The following TRPC1 variants were observed in gnomAD, a reference collection of about 807,000 sequenced individuals.
TRPC1 encodes short transient receptor potential channel 1.
TRPC1 carries 42 observed loss-of-function variants against 88.2 expected under a neutral mutation model. That is an observed-to-expected ratio of 0.48 (90% CI 0.37 to 0.62). The LOEUF (loss-of-function observed/expected upper bound fraction) is 0.62, where lower values mean the gene tolerates loss of function less well. Ranked by LOEUF, TRPC1 falls within the 20% of genes least tolerant of loss-of-function variation. The probability of loss-of-function intolerance (pLI) is 0.00; values close to 1 mark genes in which losing one functional copy is unlikely to be tolerated. For synonymous variants in TRPC1, 288 were observed against 331.8 expected (o/e 0.87, Z 1.43); for missense variants, 699 against 957.3 (o/e 0.73, Z 3.56).
Position 142,804,440 on chromosome 3 carries a change from A to G in TRPC1, c.1964A>G (p.His655Arg). ...LHKSFQLIAN[H>R]EDKEWKFARA... ...TTTAATTTGCCTTTTATATAGAATCATGAAGACAAAGAATGGAAGTTTGCT... is the reference window on the plus strand; with the variant it reads ...TTTAATTTGCCTTTTATATAGAATCGTGAAGACAAAGAATGGAAGTTTGCT... Residue 655 changes from histidine (H) to arginine (R), a missense_variant, in exon 12 of 13, where the codon CAT (histidine) becomes CGT (arginine). His to Arg is a conservative substitution (Grantham distance 29). Coordinates refer to ENST00000476941, the MANE Select transcript of TRPC1 (RefSeq NM_001251845.2). 1 of 1,609,900 alleles carries G rather than the reference A, an allele frequency of 6.2e-7. No homozygotes were observed. Among genetic ancestry groups the G allele is most frequent in the Non-Finnish European group, 8.5e-7 (1 of 1,178,500 alleles).
intron 9 of TRPC1, among the ~76,000 whole-genome samples, chr3:142,799,252 T>C (rs547465139): frequency 6.6e-6 from 1 of 152,276 alleles, no homozygotes; most frequent in Non-Finnish European, 1.5e-5. Flanking sequence ...TTTAATTACC[T>C]TTCTCTTTTC....
chr3:142,730,923 A>G (rs1577938850), intron 1 of TRPC1, among the ~76,000 whole-genome samples: 1 of 152,218 alleles, frequency 6.6e-6, no homozygotes, highest in Non-Finnish European at 1.5e-5. Context: ...TTTGGTTAAT[A>G]TAAAATTAAA....
intron 7 of TRPC1, 69 bp downstream of exon 7, chr3:142,785,109 A>T: frequency 7.3e-7 from 1 of 1,374,686 alleles, no homozygotes; most frequent in South Asian, 1.5e-5. Context: ...GATTGATGGC[A>T]TTGTGAATAT....
In TRPC1 at chr3:142,736,374, T is replaced by C. The variant is rs199965580; in HGVS notation, c.173-5T>C. On this transcript the variant is annotated splice_region_variant and splice_polypyrimidine_tract_variant and intron_variant, in intron 1 of 12. Transcript: ENST00000476941. ...ATTAAATTATGTTTGTATATTGTTATTTAGGTGACTATTATATGGTTAAAA... is the reference window on the plus strand; with the variant it reads ...ATTAAATTATGTTTGTATATTGTTACTTAGGTGACTATTATATGGTTAAAA... The C allele has an allele frequency of 6.3e-7, 1 of 1,579,202 alleles. No homozygotes were observed. The highest frequency in any genetic ancestry group is 1.4e-5 in the African/African-American group (1 of 73,632).
rs1560124668 is a variant in TRPC1, at chr3:142,807,111, T to TAA, written c.*876_*877insAA. 1 of 152,066 alleles carries TAA rather than the reference T, an allele frequency of 6.6e-6. No homozygotes were observed. Among genetic ancestry groups the TAA allele is most frequent in the East Asian group, 1.9e-4 (1 of 5,194 alleles). 9.4% of individuals were successfully genotyped at this position (152,066 alleles called of 1,614,324 possible). A position where few individuals can be genotyped will look rare whatever the true frequency, so the allele number is the denominator to read the frequency against. Reference sequence around the variant, plus strand: ...TTTTTTTTTCAAGTTGGAGTGAATGTTTTTAGTTTTAAGATAGATAGGAGA... The same window carrying TAA: ...TTTTTTTTTCAAGTTGGAGTGAATGTAATTTTAGTTTTAAGATAGATAGGAGA... On this transcript the variant is annotated 3_prime_UTR_variant, in exon 13 of 13. Coordinates refer to ENST00000476941, the MANE Select transcript of TRPC1 (RefSeq NM_001251845.2).
At chr3:142,801,558 A>G (rs1936620725) in intron 9 of TRPC1, among the ~76,000 whole-genome samples, 1 of 152,166 alleles carries the variant, frequency 6.6e-6, no homozygotes, top group African/African-American at 2.4e-5. Flanking sequence ...TGCACTATAC[A>G]TGTCTAAACT....
Position 142,784,687 on chromosome 3 carries a change from G to A in TRPC1, c.961-17G>A. 4 of 1,592,128 alleles carry A rather than the reference G, an allele frequency of 2.5e-6. No individual in the cohort carries two copies. The highest frequency in any genetic ancestry group is 3.4e-6 in the Non-Finnish European group (4 of 1,168,390). Reference sequence around the variant, plus strand: ...TTTACTTTTTTTCTTTTTAATGTGTGTGTATGTCCTTTTCAGTTTGTCTCC... The same window carrying A: ...TTTACTTTTTTTCTTTTTAATGTGTATGTATGTCCTTTTCAGTTTGTCTCC... On this transcript the variant is annotated splice_polypyrimidine_tract_variant and intron_variant, in intron 6 of 12. Coordinates refer to ENST00000476941, the MANE Select transcript of TRPC1 (RefSeq NM_001251845.2).
At chr3:142,755,339 C>A (rs1249980030) in intron 4 of TRPC1, among the ~76,000 whole-genome samples, 1 of 152,084 alleles carries the variant, frequency 6.6e-6, no homozygotes. Flanking sequence ...GCAGGAGAAT[C>A]ACTTAAACCT....
At chr3:142,729,780 G>C (rs1185761631) in intron 1 of TRPC1, among the ~76,000 whole-genome samples, 2 of 152,112 alleles carry the variant, frequency 1.3e-5, no homozygotes, top group African/African-American at 4.8e-5. Flanking sequence ...TAGTTGAATA[G>C]GTAATGAGGA....
At chr3:142,741,604 G>A (rs959597971) in intron 2 of TRPC1, among the ~76,000 whole-genome samples, 1 of 151,964 alleles carries the variant, frequency 6.6e-6, no homozygotes, top group Non-Finnish European at 1.5e-5. Flanking sequence ...TTCCCTCTAC[G>A]CTGTTGGTTT....
intron 5 of TRPC1, among the ~76,000 whole-genome samples, chr3:142,780,314 A>G: frequency 6.6e-6 from 1 of 152,168 alleles, no homozygotes; most frequent in East Asian, 1.9e-4. Flanking sequence ...TCTAATTTGA[A>G]TTTCACTCAA....
At chr3:142,735,788 G>T (rs911633951) in intron 1 of TRPC1, among the ~76,000 whole-genome samples, 2 of 152,164 alleles carry the variant, frequency 1.3e-5, no homozygotes, top group Admixed American at 1.3e-4. Context: ...GTGTGTGTGT[G>T]TGTGTTGGGA....
At chr3:142,736,831 A>G (rs577667672) in intron 2 of TRPC1, among the ~76,000 whole-genome samples, 1 of 152,196 alleles carries the variant, frequency 6.6e-6, no homozygotes, top group African/African-American at 2.4e-5. Context: ...TGTTTTCATT[A>G]CCTATGTTAA....
rs947503591 is a variant in TRPC1 at position 142,794,869 on chromosome 3, T to A, written c.1581+1902T>A. Reference sequence around the variant, plus strand: ...CAAGATGTGAAAGGATTAAATTTTTTCCAAGTAACTTAAATGTGTTCATTA... The same window carrying A: ...CAAGATGTGAAAGGATTAAATTTTTACCAAGTAACTTAAATGTGTTCATTA... On this transcript the variant is annotated intron_variant, in intron 9 of 12. Coordinates refer to ENST00000476941, the MANE Select transcript of TRPC1 (RefSeq NM_001251845.2). Among the ~76,000 whole-genome samples the A allele has an allele frequency of 5.9e-5, 9 of 152,236 alleles. No homozygotes were observed. In the East Asian group the frequency reaches 1.7e-3, roughly 29 times the overall value.
chr3:142,774,200 T>C (rs972712210), intron 4 of TRPC1, among the ~76,000 whole-genome samples: 15 of 152,340 alleles, frequency 9.8e-5, no homozygotes, highest in African/African-American at 3.6e-4. Context: ...GCATTTGAAG[T>C]TGTGGGCATT....
At chr3:142,781,527 T>A (rs1477801816) in intron 6 of TRPC1, among the ~76,000 whole-genome samples, 2 of 152,128 alleles carry the variant, frequency 1.3e-5, no homozygotes, top group Non-Finnish European at 2.9e-5. Flanking sequence ...TTATTTATAA[T>A]TCATTGTGAA....
At chr3:142,737,839 ATG>A (rs1463616477) in intron 2 of TRPC1, among the ~76,000 whole-genome samples, 1 of 152,160 alleles carries the variant, frequency 6.6e-6, no homozygotes, top group Non-Finnish European at 1.5e-5. Flanking sequence ...GACTGTATAT[ATG>A]TGTGTTTGTG....
intron 1 of TRPC1, among the ~76,000 whole-genome samples, chr3:142,732,552 A>C (rs1202077485): frequency 6.6e-6 from 1 of 152,098 alleles, no homozygotes; most frequent in African/African-American, 2.4e-5. Context: ...AGAGTCCAGG[A>C]GGAAGATCAT....
At chr3:142,756,207 CT>C (rs1186912304) in intron 4 of TRPC1, among the ~76,000 whole-genome samples, 2 of 152,186 alleles carry the variant, frequency 1.3e-5, no homozygotes, top group African/African-American at 4.8e-5. Context: ...TGAACATTCA[CT>C]TACAAGTCTT....
Sources: gnomAD v4.1 joint callset for allele counts (sites outside exome capture counted in the v4.1 genomes callset) on GRCh38, gnomAD v4.1.1 for gene constraint, MANE v1.5 for transcripts, NCBI Gene and HGNC (gene_info 2026-07-23, HGNC 2026-07-21) for gene names.